PCDH9: variants seen among roughly 807,000 people sequenced by gnomAD.
The protein encoded by PCDH9 is protocadherin 9, also known as protocadherin-9.
PCDH9 carries 24 observed loss-of-function variants against 70.6 expected under a neutral mutation model. The ratio of observed to expected loss-of-function variants is 0.34; its 90% CI spans 0.25 to 0.48. PCDH9 has a LOEUF of 0.48. Ranked by LOEUF, PCDH9 falls within the 20% of genes least tolerant of loss-of-function variation. The pLI is 0.99. For synonymous variants in PCDH9, 562 were observed against 558.5 expected, an observed-to-expected ratio of 1.01 and a Z score of -0.09; for missense variants, 1,281 against 1,503.6, an observed-to-expected ratio of 0.85 and a Z score of 2.45.
chr13:66,465,080 T>C (rs904684007), intron 4 of PCDH9, among the ~76,000 whole-genome samples: 2 of 151,856 alleles, frequency 1.3e-5, no homozygotes, highest in East Asian at 3.9e-4. Context: ...GTTTCAGCAG[T>C]AGCAATTTAT....
chr13:66,789,756 A>G (rs776478121), intron 3 of PCDH9, among the ~76,000 whole-genome samples: 10 of 152,120 alleles, frequency 6.6e-5, no homozygotes, highest in Non-Finnish European at 1.3e-4. Flanking sequence ...CTTTTGTACA[A>G]TATCTGGCAT....
At chr13:66,683,017 G>T in intron 3 of PCDH9, among the ~76,000 whole-genome samples, 1 of 152,132 alleles carries the variant, frequency 6.6e-6, no homozygotes, top group East Asian at 1.9e-4. Flanking sequence ...GCAGAGGTTT[G>T]TTGGGAACAT....
chr13:66,638,273 CATA>C (rs1566473863), intron 3 of PCDH9, among the ~76,000 whole-genome samples: 1 of 152,142 alleles, frequency 6.6e-6, no homozygotes, highest in Non-Finnish European at 1.5e-5. Context: ...GTCACCTTTT[CATA>C]ATGTCATTCT....
intron 4 of PCDH9, among the ~76,000 whole-genome samples, chr13:66,622,505 C>T (rs2077437494): frequency 6.6e-6 from 1 of 152,128 alleles, no homozygotes; most frequent in African/African-American, 2.4e-5. Context: ...GGTTTGTAAA[C>T]ACACCAATCA....
chr13:66,322,427 G>C (rs1228222629), intron 4 of PCDH9, among the ~76,000 whole-genome samples: 1 of 152,004 alleles, frequency 6.6e-6, no homozygotes, highest in Non-Finnish European at 1.5e-5. Context: ...AGTTCAATTT[G>C]AGTGGCAGCA....
intron 3 of PCDH9, among the ~76,000 whole-genome samples, chr13:66,798,973 CCA>C (rs2080287047): frequency 6.6e-6 from 1 of 151,872 alleles, no homozygotes; most frequent in South Asian, 2.1e-4. Context: ...GCCACCAGGT[CCA>C]GTTAATTTTT....
chr13:66,694,174 A>C (rs1438817711), intron 3 of PCDH9, among the ~76,000 whole-genome samples: 1 of 152,220 alleles, frequency 6.6e-6, no homozygotes, highest in East Asian at 1.9e-4. Flanking sequence ...ATTTCATCTG[A>C]ATTCATATAA....
intron 3 of PCDH9, among the ~76,000 whole-genome samples, chr13:66,875,209 T>C (rs191379798): frequency 1.3e-5 from 2 of 152,318 alleles, no homozygotes; most frequent in Middle Eastern, 3.4e-3. Context: ...ATGACTTTGA[T>C]AATTCAAGTA....
intron 3 of PCDH9, among the ~76,000 whole-genome samples, chr13:66,888,313 A>G (rs1219390289): frequency 6.6e-6 from 1 of 151,950 alleles, no homozygotes; most frequent in East Asian, 1.9e-4. Flanking sequence ...TGGGAAACAT[A>G]GTGAGGCTTC....
intron 4 of PCDH9, among the ~76,000 whole-genome samples, chr13:66,575,324 G>A (rs1434340381): frequency 6.6e-6 from 1 of 152,096 alleles, no homozygotes; most frequent in African/African-American, 2.4e-5. Flanking sequence ...ACCTCTGAGA[G>A]TTCCTACTTC....
At chr13:66,765,432 C>T (rs940271504) in intron 3 of PCDH9, among the ~76,000 whole-genome samples, 6 of 151,950 alleles carry the variant, frequency 3.9e-5, no homozygotes, top group Admixed American at 2.0e-4. Context: ...AACTCATTCA[C>T]ACCAGTTAAT....
intron 3 of PCDH9, among the ~76,000 whole-genome samples, chr13:66,874,288 C>A (rs191650071): frequency 6.6e-6 from 1 of 152,146 alleles, no homozygotes; most frequent in African/African-American, 2.4e-5. Context: ...TTCAGCTTTA[C>A]TGAAAAGCTA....
intron 4 of PCDH9, among the ~76,000 whole-genome samples, chr13:66,547,908 A>C (rs1027690349): frequency 3.4e-5 from 5 of 147,374 alleles, no homozygotes; most frequent in Non-Finnish European, 6.0e-5. Context: ...ATTATATAAT[A>C]ATATATTTAA....
intron 3 of PCDH9, among the ~76,000 whole-genome samples, chr13:66,769,586 T>C (rs1487712661): frequency 1.3e-5 from 2 of 152,190 alleles, no homozygotes; most frequent in East Asian, 3.9e-4. Context: ...CTATTAAAAG[T>C]TGACATGTAG....
At chr13:66,608,952 T>C (rs2077256135) in intron 4 of PCDH9, among the ~76,000 whole-genome samples, 1 of 152,214 alleles carries the variant, frequency 6.6e-6, no homozygotes, top group African/African-American at 2.4e-5. Flanking sequence ...CTAAGGGACC[T>C]CACACGGTCT....
chr13:67,012,467 G>C (rs1447148088), intron 2 of PCDH9, among the ~76,000 whole-genome samples: 1 of 151,696 alleles, frequency 6.6e-6, no homozygotes, highest in Non-Finnish European at 1.5e-5. Context: ...ATTGATGCAA[G>C]AAAGAAAGAA....
intron 3 of PCDH9, among the ~76,000 whole-genome samples, chr13:66,806,938 T>C (rs978273174): frequency 6.6e-6 from 1 of 152,156 alleles, no homozygotes; most frequent in Non-Finnish European, 1.5e-5. Flanking sequence ...ATTCTGTCTC[T>C]CATCACACTT....
chr13:67,097,133 T>TAGTC (rs1008975822), intron 2 of PCDH9, among the ~76,000 whole-genome samples: 3 of 151,658 alleles, frequency 2.0e-5, no homozygotes, highest in Non-Finnish European at 2.9e-5. Context: ...CACATACTTA[T>TAGTC]AGTCCCAGCT....
intron 4 of PCDH9, among the ~76,000 whole-genome samples, chr13:66,432,482 T>C (rs1957789464): frequency 6.6e-6 from 1 of 152,010 alleles, no homozygotes; most frequent in South Asian, 2.1e-4. Flanking sequence ...GGTATTAAGT[T>C]ACTTAATTTT....
Sources: allele counts gnomAD v4.1 joint callset (sites outside exome capture counted in the v4.1 genomes callset), GRCh38; gene constraint gnomAD v4.1.1; transcripts MANE v1.5; gene names NCBI Gene and HGNC (gene_info 2026-07-23, HGNC 2026-07-21).